ZNF66: variants seen among roughly 807,000 people sequenced by gnomAD.
ZNF66 encodes putative zinc finger protein 66.
In ZNF66, 32 loss-of-function variants were observed where a neutral mutation model predicts 35.2. The ratio of observed to expected loss-of-function variants is 0.91; its 90% CI spans 0.69 to 1.22. ZNF66 has a LOEUF of 1.22. Ranked by LOEUF, ZNF66 falls within the 50% of genes most tolerant of loss-of-function variation. The probability of loss-of-function intolerance (pLI) is 0.00; values close to 1 mark genes in which losing one functional copy is unlikely to be tolerated. For missense variants in ZNF66, 666 were observed against 543.1 expected (o/e 1.23, Z -2.25); for synonymous variants, 231 against 181.3 (o/e 1.27, Z -2.20).
chr19:20,797,162 T>A lies in ZNF66; in HGVS notation c.226+3284T>A, dbSNP rs1366796921. Among the ~76,000 whole-genome samples, 7 of 149,072 alleles carry A rather than the reference T, an allele frequency of 4.7e-5. 1 individual carries two copies. Among genetic ancestry groups the A allele is most frequent in the South Asian group, 4.3e-4 (2 of 4,684 alleles). Reference sequence around the variant, plus strand: ...CACCACACCCGGCCTGACAATTTTTTAATAATGCATCAATGTTGCATGCTA... The same window carrying A: ...CACCACACCCGGCCTGACAATTTTTAAATAATGCATCAATGTTGCATGCTA... On this transcript the variant is annotated intron_variant, in intron 3 of 3. Coordinates refer to ENST00000344519, the MANE Select transcript of ZNF66 (RefSeq NM_001355197.2).
At chr19:20,789,083 T>G (rs1971313250) in intron 1 of ZNF66, among the ~76,000 whole-genome samples, 1 of 152,054 alleles carries the variant, frequency 6.6e-6, no homozygotes, top group Non-Finnish European at 1.5e-5. Flanking sequence ...TAGAAAACCT[T>G]AAAGGATTTG....
chr19:20,778,544 G>A (rs957905859), intron 1 of ZNF66, among the ~76,000 whole-genome samples: 1 of 152,130 alleles, frequency 6.6e-6, no homozygotes, highest in Non-Finnish European at 1.5e-5. Context: ...AGCACTTTGG[G>A]AGGCCTAGAC....
At chr19:20,793,350 A>ATTTTTT (rs1971359975) in intron 2 of ZNF66, among the ~76,000 whole-genome samples, 1 of 20,182 alleles carries the variant, frequency 5.0e-5, no homozygotes, top group Admixed American at 5.1e-4. Flanking sequence ...TTTTTTTTTG[A>ATTTTTT]GACAGAGTCT....
At chr19:20,794,169 C>T (rs1282875994) in intron 3 of ZNF66, 2 of 434,834 alleles carry the variant, frequency 4.6e-6, no homozygotes, top group East Asian at 1.0e-4. Context: ...AGAGACAGCA[C>T]AATCCAGCTG....
intron 2 of ZNF66, among the ~76,000 whole-genome samples, chr19:20,793,294 A>G (rs1467041235): frequency 2.1e-5 from 3 of 143,242 alleles, no homozygotes; most frequent in Non-Finnish European, 4.6e-5. Flanking sequence ...ACAAATTGAA[A>G]GTATTTTCTT....
At chr19:20,790,852 T>A (rs1223825678) in intron 1 of ZNF66, among the ~76,000 whole-genome samples, 1 of 152,150 alleles carries the variant, frequency 6.6e-6, no homozygotes, top group Non-Finnish European at 1.5e-5. Context: ...AACTTTTACT[T>A]CTCTACTTGT....
At chr19:20,794,547 TTAA>T (rs888085414) in intron 3 of ZNF66, 9 of 151,780 alleles carry the variant, frequency 5.9e-5, no homozygotes, top group Non-Finnish European at 7.4e-5. Flanking sequence ...ATATGATTCT[TTAA>T]TAATATTTAT....
Position 20,809,825 on chromosome 19 carries a change from TAAC to T in ZNF66, c.*2506_*2508del, listed in dbSNP as rs907869102. The stretch of plus-strand genomic sequence containing the variant: ...ATAATGACAGCATCAAATTCTCACA[TAAC>T]AATATTAGCTTTAAATGTAAATGGG... On this transcript the variant is annotated 3_prime_UTR_variant, in exon 4 of 4. Coordinates refer to ENST00000344519, the MANE Select transcript of ZNF66 (RefSeq NM_001355197.2). Among the ~76,000 whole-genome samples, 1 of 151,698 alleles carries T rather than the reference TAAC, an allele frequency of 6.6e-6. No individual in the cohort carries two copies. Among genetic ancestry groups the T allele is most frequent in the African/African-American group, 2.4e-5 (1 of 41,290 alleles).
intron 1 of ZNF66, among the ~76,000 whole-genome samples, chr19:20,780,274 G>C (rs573484934): frequency 3.6e-4 from 55 of 152,250 alleles, no homozygotes; most frequent in African/African-American, 1.2e-3. Context: ...ACAAAGAATG[G>C]AGAATTTTAT....
chr19:20,792,337 A>G (rs1971345603), intron 1 of ZNF66, among the ~76,000 whole-genome samples, 175 bp from the exon 2 acceptor site: 1 of 151,424 alleles, frequency 6.6e-6, no homozygotes, highest in African/African-American at 2.4e-5. Context: ...TTATTTTCTC[A>G]GAGTTAGAGA....
intron 1 of ZNF66, among the ~76,000 whole-genome samples, chr19:20,783,691 C>A (rs906827705): frequency 6.6e-6 from 1 of 152,122 alleles, no homozygotes; most frequent in African/African-American, 2.4e-5. Flanking sequence ...GGTAATTATC[C>A]AATATTTGCA....
intron 3 of ZNF66, chr19:20,794,578 A>G (rs1191916155): frequency 6.6e-6 from 1 of 151,540 alleles, no homozygotes; most frequent in Non-Finnish European, 1.5e-5. Context: ...ATTCATTGAC[A>G]TAAAATATTT....
chr19:20,803,786 C>T (rs2144915617), intron 3 of ZNF66, among the ~76,000 whole-genome samples: 1 of 152,226 alleles, frequency 6.6e-6, no homozygotes, highest in South Asian at 2.1e-4. Context: ...TGGCAATATA[C>T]ATTCTCAGGA....
In ZNF66 at chr19:20,800,023, T is replaced by C. The variant is rs114285279; in HGVS notation, c.227-5804T>C. ...TATAATTTTAGTGTTTTTAAAGTGA[T>C]TGGTTGTTGTTTTGAGACAAGATCT... On this transcript the variant is annotated intron_variant, in intron 3 of 3. Coordinates refer to ENST00000344519, the MANE Select transcript of ZNF66 (RefSeq NM_001355197.2). 8.4e-3 allele frequency among the ~76,000 whole-genome samples: 1,279 copies of C among 152,248 alleles called. 18 individuals are homozygous for C. The highest frequency in any genetic ancestry group is 0.03 in the African/African-American group (1,240 of 41,536).
chr19:20,788,451 C>T (rs1971307023), intron 1 of ZNF66, among the ~76,000 whole-genome samples: 1 of 152,098 alleles, frequency 6.6e-6, no homozygotes, highest in Non-Finnish European at 1.5e-5. Flanking sequence ...GTCACCCAGG[C>T]TGGAGTACAG....
In ZNF66 at chr19:20,792,529, A is replaced by G. The variant is rs761051322; in HGVS notation, c.21A>G (p.Arg7=). The part of the protein sequence containing the change: MGPLQF[R]DVAIEFSLEE... ...TTTTTCAGGGGCCATTGCAATTTAGAGATGTGGCCATAGAATTCTCTCTGG... is the reference window on the plus strand; with the variant it reads ...TTTTTCAGGGGCCATTGCAATTTAGGGATGTGGCCATAGAATTCTCTCTGG... Residue 7 remains arginine, a synonymous_variant, in exon 2 of 4, where the codon AGA becomes AGG. Coordinates refer to ENST00000344519, the MANE Select transcript of ZNF66 (RefSeq NM_001355197.2). The G allele has an allele frequency of 6.5e-7, 1 of 1,532,352 alleles. No individual in the cohort carries two copies. Among genetic ancestry groups the G allele is most frequent in the Non-Finnish European group, 9.0e-7 (1 of 1,112,176 alleles). 94.9% of individuals were successfully genotyped at this position (1,532,352 alleles called of 1,614,324 possible).
At chr19:20,781,549 G>T (rs1318639640) in intron 1 of ZNF66, among the ~76,000 whole-genome samples, 5 of 147,332 alleles carry the variant, frequency 3.4e-5, no homozygotes, top group African/African-American at 5.0e-5. Flanking sequence ...TACTCTTGTT[G>T]CCCAGGCTGG....
At chr19:20,804,310 G>A (rs1239930696) in intron 3 of ZNF66, among the ~76,000 whole-genome samples, 1 of 151,900 alleles carries the variant, frequency 6.6e-6, no homozygotes. Context: ...GTGCAGTGGT[G>A]CAGGCTCACT....
Position 20,789,103 on chromosome 19 carries a change from C to G in ZNF66, c.4-3409C>G, listed in dbSNP as rs73009707. On this transcript the variant is annotated intron_variant, in intron 1 of 3. Transcript: ENST00000344519. Reference sequence around the variant, plus strand: ...AACCTTAAAGGATTTGTTTAAATTGCGTATTAGTATGTAGCATAAAGTTGA... The same window carrying G: ...AACCTTAAAGGATTTGTTTAAATTGGGTATTAGTATGTAGCATAAAGTTGA... Among the ~76,000 whole-genome samples, 32 of 151,640 alleles carry G rather than the reference C, an allele frequency of 2.1e-4. No homozygotes were observed. The East Asian group carries it at 4.5e-3, about 21-fold the overall frequency.
Sources: gnomAD v4.1 joint callset for allele counts (sites outside exome capture counted in the v4.1 genomes callset) on GRCh38, gnomAD v4.1.1 for gene constraint, MANE v1.5 for transcripts, NCBI Gene and HGNC (gene_info 2026-07-23, HGNC 2026-07-21) for gene names.